KIF21A: variants seen among roughly 807,000 people sequenced by gnomAD.
KIF21A encodes the protein kinesin-like protein KIF21A.
Under a neutral mutation model 202.9 loss-of-function variants are expected in KIF21A, and 114 were observed. The observed-to-expected ratio is 0.56, with a 90% CI of 0.48 to 0.66. The LOEUF is 0.66. KIF21A is among the 30% of genes least tolerant of loss of function. KIF21A has a pLI of 0.00. For synonymous variants in KIF21A, 667 were observed against 670.8 expected (o/e 0.99, Z 0.09); for missense variants, 1,677 against 1,994.9 (o/e 0.84, Z 3.04).
intron 1 of KIF21A, among the ~76,000 whole-genome samples, chr12:39,431,296 G>A (rs1023058614): frequency 2.6e-5 from 4 of 152,160 alleles, no homozygotes; most frequent in Admixed American, 2.0e-4. Flanking sequence ...GGACAAAAGG[G>A]GACAAGTTTC....
chr12:39,395,957 T>C (rs1951719694), intron 1 of KIF21A, among the ~76,000 whole-genome samples: 1 of 151,886 alleles, frequency 6.6e-6, no homozygotes, highest in Non-Finnish European at 1.5e-5. Flanking sequence ...AATACATGCT[T>C]ATCTAATTAT....
intron 31 of KIF21A, among the ~76,000 whole-genome samples, chr12:39,313,739 A>T (rs1388072077): frequency 6.6e-6 from 1 of 151,932 alleles, no homozygotes; most frequent in Non-Finnish European, 1.5e-5. Context: ...CCGACTCACT[A>T]TCAATGATTT....
intron 1 of KIF21A, among the ~76,000 whole-genome samples, chr12:39,416,689 A>ATATATATATGTACATATATATGTGTG (rs1953682425): frequency 1.1e-5 from 1 of 94,740 alleles, no homozygotes; most frequent in Non-Finnish European, 1.9e-5. Flanking sequence ...ATATGTGTGT[A>ATATATATATGTACATATATATGTGTG]TATATATATG....
rs148740775 is a variant in KIF21A at position 39,341,935 on chromosome 12, A to G, written c.1803+99T>C. On this transcript the variant is annotated intron_variant, in intron 13 of 37. Coordinates refer to ENST00000361418, the MANE Select transcript of KIF21A (RefSeq NM_001173464.2). ...AATAGATTAAACAGAATGCATCATAAGCAGTTCACTTTTCTACAAGTAAGT... is the reference window on the plus strand; with the variant it reads ...AATAGATTAAACAGAATGCATCATAGGCAGTTCACTTTTCTACAAGTAAGT... 1.0e-4 allele frequency: 83 copies of G among 809,534 alleles called. No homozygotes were observed. In the East Asian group the frequency reaches 2.1e-3, roughly 20 times the overall value. 50.1% of individuals were successfully genotyped at this position (809,534 alleles called of 1,614,324 possible). A position where few individuals can be genotyped will look rare whatever the true frequency, so the allele number is the denominator to read the frequency against.
chr12:39,440,793 G>A (rs997365890), intron 1 of KIF21A, among the ~76,000 whole-genome samples: 6 of 152,074 alleles, frequency 3.9e-5, no homozygotes, highest in Non-Finnish European at 4.4e-5. Flanking sequence ...TGGGAGGGAC[G>A]GCTTGAGCCC....
chr12:39,298,477 A>G (rs1476433064), intron 37 of KIF21A, among the ~76,000 whole-genome samples: 1 of 151,928 alleles, frequency 6.6e-6, no homozygotes, highest in Admixed American at 6.5e-5. Context: ...TGACCGGTAT[A>G]GTAGAGAGAT....
intron 13 of KIF21A, among the ~76,000 whole-genome samples, chr12:39,341,823 C>G (rs1947466686): frequency 6.6e-6 from 1 of 152,126 alleles, no homozygotes. Flanking sequence ...CTACCCCTGA[C>G]TCCCCAACAC....
chr12:39,311,665 T>C, intron 31 of KIF21A, 112 bp from the exon 32 acceptor site: 2 of 1,046,658 alleles, frequency 1.9e-6, no homozygotes, highest in Non-Finnish European at 2.9e-6. Flanking sequence ...TATAAGTAAT[T>C]AGTAATAAAA....
intron 1 of KIF21A, among the ~76,000 whole-genome samples, chr12:39,376,408 T>G (rs560582808): frequency 1.3e-5 from 2 of 152,082 alleles, no homozygotes; most frequent in African/African-American, 4.8e-5. Context: ...ATTATTATCA[T>G]TTTTTATAGA....
intron 37 of KIF21A, among the ~76,000 whole-genome samples, chr12:39,298,683 A>G (rs1942658080): frequency 6.6e-6 from 1 of 152,232 alleles, no homozygotes; most frequent in Non-Finnish European, 1.5e-5. Context: ...AAATGAATAA[A>G]AAGTACAACA....
intron 12 of KIF21A, among the ~76,000 whole-genome samples, chr12:39,343,756 C>T (rs1218042059): frequency 6.6e-6 from 1 of 152,174 alleles, no homozygotes; most frequent in Non-Finnish European, 1.5e-5. Context: ...TCTCACTAGG[C>T]AGTCAGCTTC....
Position 39,332,891 on chromosome 12 carries a change from A to G in KIF21A, c.2702+2T>C. 6.2e-7 allele frequency: 1 copy of G among 1,613,258 alleles called. No individual in the cohort carries two copies. The highest frequency in any genetic ancestry group is 8.5e-7 in the Non-Finnish European group (1 of 1,179,728). ...CATCAGCAGGAACAGAATTATGTAG[A>G]CCTGTTTCCATTTGTTGCCGGCGTT... is the stretch of plus-strand genomic sequence containing the variant. On this transcript the variant is annotated splice_donor_variant, in intron 19 of 37. Transcript: ENST00000361418. LOFTEE classifies it high-confidence loss of function.
At chr12:39,340,140 G>A (rs754940763) in intron 16 of KIF21A, 25 bp downstream of exon 16, 93 of 1,576,772 alleles carry the variant, frequency 5.9e-5, no homozygotes, top group Non-Finnish European at 7.5e-5. Context: ...AACATCAAAC[G>A]TTAATGGAAA....
rs774980465 is a variant in KIF21A, at chr12:39,369,799, T to C, written c.380A>G (p.Glu127Gly). The C allele has an allele frequency of 3.2e-5, 51 of 1,612,672 alleles. No homozygotes were observed. The highest frequency in any genetic ancestry group is 4.3e-5 in the Non-Finnish European group (51 of 1,179,328). Residue 127 changes from glutamate to glycine, a missense_variant, in exon 3 of 38, where the codon GAA becomes GGA. Physicochemically the swap from Glu to Gly is moderately conservative, Grantham distance 98. Around this residue, in one of 3 missense-constraint regions of KIF21A, gnomAD observed 966 missense variants for 1,180.9 expected, o/e 0.82. Transcript: ENST00000361418. ...ATTTTTAATTGCTATGTGTTTTTTT[T>C]CTTCAATACTCTTAAAAAGGTGTTT... The part of the protein sequence containing the change: ...AVKHLFKSIE[E>G]KKHIAIKNGL...
intron 1 of KIF21A, among the ~76,000 whole-genome samples, chr12:39,437,653 A>G (rs998623091): frequency 6.6e-6 from 1 of 152,188 alleles, no homozygotes; most frequent in Admixed American, 6.5e-5. Context: ...GGTATGTGCT[A>G]TTGATTCTGT....
chr12:39,314,594 T>A (rs1944336105), intron 31 of KIF21A, among the ~76,000 whole-genome samples: 2 of 151,860 alleles, frequency 1.3e-5, no homozygotes, highest in African/African-American at 4.8e-5. Flanking sequence ...CAATGTGCAT[T>A]TAATAACAAA....
intron 1 of KIF21A, among the ~76,000 whole-genome samples, chr12:39,434,173 G>A (rs1454963759): frequency 2.0e-5 from 3 of 152,272 alleles, no homozygotes; most frequent in East Asian, 1.9e-4. Context: ...CATCTGGCAC[G>A]GTCTTTCTTG....
intron 1 of KIF21A, among the ~76,000 whole-genome samples, chr12:39,419,856 A>G (rs1954094831): frequency 6.6e-6 from 1 of 152,122 alleles, no homozygotes; most frequent in Non-Finnish European, 1.5e-5. Flanking sequence ...TGAAGACCTA[A>G]AAGAAGAGAA....
Position 39,293,677 on chromosome 12 carries a change from T to C in KIF21A, c.*747A>G, listed in dbSNP as rs1942043490. 1 of 152,124 alleles carries C rather than the reference T, an allele frequency of 6.6e-6. No homozygotes were observed. Among genetic ancestry groups the C allele is most frequent in the Non-Finnish European group, 1.5e-5 (1 of 67,976 alleles). 9.4% of individuals were successfully genotyped at this position (152,124 alleles called of 1,614,324 possible). On this transcript the variant is annotated 3_prime_UTR_variant, in exon 38 of 38. Coordinates refer to ENST00000361418, the MANE Select transcript of KIF21A (RefSeq NM_001173464.2). ...CTCCATAGGAAAATAGATCAAAATA[T>C]ATTTCTGTTAGGACATCAACAATGT...
Sources: allele counts gnomAD v4.1 joint callset (sites outside exome capture counted in the v4.1 genomes callset), GRCh38; gene constraint gnomAD v4.1.1; regional missense constraint gnomAD v4.1.1; transcripts MANE v1.5; gene names NCBI Gene and HGNC (gene_info 2026-07-23, HGNC 2026-07-21).